Variants in SAMD12 observed in about 807,000 individuals in gnomAD.
SAMD12 encodes the protein sterile alpha motif domain-containing protein 12.
Under a neutral mutation model 15.0 loss-of-function variants are expected in SAMD12, and 9 were observed. That is an observed-to-expected ratio of 0.60 (90% confidence interval 0.36 to 1.05). The LOEUF (loss-of-function observed/expected upper bound fraction) is 1.05. Ranked by LOEUF, SAMD12 falls within the 50% of genes least tolerant of loss-of-function variation. The probability of loss-of-function intolerance (pLI) is 0.01; values close to 1 mark genes in which losing one functional copy is unlikely to be tolerated. For synonymous variants in SAMD12, 86 were observed against 90.1 expected (o/e 0.96, Z 0.25); for missense variants, 230 against 234.2 (o/e 0.98, Z 0.12).
At chr8:118,548,989 T>C (rs556834184) in intron 2 of SAMD12, among the ~76,000 whole-genome samples, 56 of 152,346 alleles carry the variant, frequency 3.7e-4, no homozygotes, top group African/African-American at 6.5e-4. Context: ...GCGCCCGCCA[T>C]TGCGCAGGCT....
chr8:118,544,030 C>T (rs954458747), intron 2 of SAMD12, among the ~76,000 whole-genome samples: 2 of 152,182 alleles, frequency 1.3e-5, no homozygotes, highest in African/African-American at 4.8e-5. Context: ...GGTCTGGTGT[C>T]CTGTCTTTCA....
intron 4 of SAMD12, among the ~76,000 whole-genome samples, chr8:118,271,989 G>A (rs1813365015): frequency 6.6e-6 from 1 of 152,180 alleles, no homozygotes; most frequent in African/African-American, 2.4e-5. Context: ...GTAGGACAGT[G>A]CCCCTCTACT....
intron 2 of SAMD12, among the ~76,000 whole-genome samples, chr8:118,547,909 C>T (rs1302109756): frequency 6.6e-6 from 1 of 152,064 alleles, no homozygotes; most frequent in Non-Finnish European, 1.5e-5. Context: ...CCTCACACGA[C>T]CTCCAACCTT....
At chr8:118,203,814 G>A (rs549262521) in intron 4 of SAMD12, among the ~76,000 whole-genome samples, 2 of 144,940 alleles carry the variant, frequency 1.4e-5, no homozygotes, top group African/African-American at 5.1e-5. Flanking sequence ...TCCCACCTAT[G>A]AGTGAGAACA....
At position 118,341,854 on chromosome 8, in the gene SAMD12, T is replaced by G. The variant is rs572917979; in HGVS notation, c.433+37706A>C. 1.0e-4 allele frequency among the ~76,000 whole-genome samples: 16 copies of G among 152,384 alleles called. No homozygotes were observed. In the South Asian group the frequency reaches 3.3e-3, roughly 32 times the overall value. On this transcript the variant is annotated intron_variant, in intron 4 of 4. Transcript: ENST00000409003. ...GAAGATAAACATTTATATTTTAAAT[T>G]GTTGAAATCTGGTTTTAAATATTGG... is the stretch of plus-strand genomic sequence containing the variant.
intron 4 of SAMD12, among the ~76,000 whole-genome samples, chr8:118,360,892 G>C (rs1476923177): frequency 2.0e-5 from 3 of 152,202 alleles, no homozygotes; most frequent in Non-Finnish European, 4.4e-5. Context: ...GAACTAGTGT[G>C]CTGGCCTTCT....
intron 1 of SAMD12, 89 bp downstream of exon 1, chr8:118,621,715 T>A: frequency 6.7e-7 from 1 of 1,481,514 alleles, no homozygotes; most frequent in Non-Finnish European, 9.4e-7. Context: ...TTTCCTCGCC[T>A]CCCCACGATC....
intron 4 of SAMD12, among the ~76,000 whole-genome samples, chr8:118,307,942 G>A (rs928732318): frequency 2.0e-5 from 3 of 152,306 alleles, no homozygotes; most frequent in East Asian, 3.9e-4. Flanking sequence ...GGCCATGGCT[G>A]CTGCCCTTGA....
intron 2 of SAMD12, among the ~76,000 whole-genome samples, chr8:118,490,833 T>C (rs1415810171): frequency 6.6e-6 from 1 of 152,182 alleles, no homozygotes; most frequent in East Asian, 1.9e-4. Flanking sequence ...GGCCAGAGTT[T>C]ATCTGCACGG....
At chr8:118,219,942 A>T (rs1440403956) in intron 4 of SAMD12, among the ~76,000 whole-genome samples, 2 of 152,236 alleles carry the variant, frequency 1.3e-5, no homozygotes, top group Non-Finnish European at 2.9e-5. Context: ...TAAGTTTTTG[A>T]GGTAGTTCAT....
At chr8:118,205,057 C>T (rs2129790760) in intron 4 of SAMD12, among the ~76,000 whole-genome samples, 1 of 152,338 alleles carries the variant, frequency 6.6e-6, no homozygotes, top group South Asian at 2.1e-4. Context: ...AGATAGCCCT[C>T]CCTAATACAA....
At chr8:118,490,279 G>A (rs112886861) in intron 2 of SAMD12, among the ~76,000 whole-genome samples, 2,264 of 152,150 alleles carry the variant, frequency 0.015, 65 homozygotes, top group African/African-American at 0.052. Flanking sequence ...CATATTGTTG[G>A]CAATTAGTTT....
At chr8:118,524,849 C>T (rs1211352786) in intron 2 of SAMD12, among the ~76,000 whole-genome samples, 1 of 152,192 alleles carries the variant, frequency 6.6e-6, no homozygotes, top group Non-Finnish European at 1.5e-5. Flanking sequence ...CCTACACTGC[C>T]ATACTGGGTC....
intron 1 of SAMD12, among the ~76,000 whole-genome samples, chr8:118,613,111 G>GT (rs1286858588): frequency 2.6e-4 from 39 of 152,290 alleles, no homozygotes; most frequent in Admixed American, 2.1e-3. Flanking sequence ...AAATTGCTCT[G>GT]TATCTTGATG....
At chr8:118,379,852 C>T (rs1819584615) in intron 3 of SAMD12, 152 bp from the exon 4 acceptor site, 2 of 992,094 alleles carry the variant, frequency 2.0e-6, no homozygotes, top group South Asian at 3.6e-5. Context: ...ATTGCTGACA[C>T]AAATGGATTA....
chr8:118,329,092 A>G (rs544918730), intron 4 of SAMD12, among the ~76,000 whole-genome samples: 97 of 152,164 alleles, frequency 6.4e-4, no homozygotes, highest in Non-Finnish European at 1.4e-3. Context: ...TTGTTTGCTA[A>G]AGATTAAGAG....
intron 3 of SAMD12, among the ~76,000 whole-genome samples, chr8:118,394,161 A>G (rs138679270): frequency 4.6e-4 from 70 of 152,314 alleles, no homozygotes; most frequent in Non-Finnish European, 7.8e-4. Flanking sequence ...TATGCTCATC[A>G]AGCTTGAAGT....
At chr8:118,299,128 T>G (rs1260140317) in intron 4 of SAMD12, among the ~76,000 whole-genome samples, 1 of 152,174 alleles carries the variant, frequency 6.6e-6, no homozygotes, top group South Asian at 2.1e-4. Context: ...TGCATTTGCA[T>G]AACAGAAGGA....
intron 3 of SAMD12, among the ~76,000 whole-genome samples, chr8:118,384,902 T>C (rs1323636328): frequency 6.6e-6 from 1 of 152,106 alleles, no homozygotes; most frequent in Non-Finnish European, 1.5e-5. Context: ...CCCAGTTCTG[T>C]ATTGTTTAGC....
Sources: allele counts gnomAD v4.1 joint callset (sites outside exome capture counted in the v4.1 genomes callset), GRCh38; gene constraint gnomAD v4.1.1; transcripts MANE v1.5; gene names NCBI Gene and HGNC (gene_info 2026-07-23, HGNC 2026-07-21).